ZNF558: variants seen among roughly 807,000 people sequenced by gnomAD.
ZNF558 encodes the protein zinc finger protein 558.
In ZNF558, 23 loss-of-function variants were observed where a neutral mutation model predicts 37.6. That is an observed-to-expected ratio of 0.61 (90% CI 0.44 to 0.87). The LOEUF (loss-of-function observed/expected upper bound fraction) is 0.87, where lower values mean the gene tolerates loss of function less well. Among genes scored for constraint, ZNF558 ranks in the 40% least tolerant of loss-of-function variants. The pLI is 0.00. For missense variants in ZNF558, 429 were observed against 483.7 expected, an observed-to-expected ratio of 0.89 and a Z score of 1.06; for synonymous variants, 189 against 174.4, an observed-to-expected ratio of 1.08 and a Z score of -0.66.
chr19:8,813,271 A>T, intron 7 of ZNF558, 49 bp from the exon 8 acceptor site: 7 of 1,460,580 alleles, frequency 4.8e-6, no homozygotes, highest in Non-Finnish European at 6.6e-6. Context: ...GCTGGGGACA[A>T]CCAAGTCCAT....
upstream of ZNF558, among the ~76,000 whole-genome samples, chr19:8,836,653 A>G (rs1185988126): frequency 6.6e-6 from 1 of 151,998 alleles, no homozygotes; most frequent in Non-Finnish European, 1.5e-5. Flanking sequence ...CACCACGCCC[A>G]GCTAGTTTTT....
chr19:8,822,603 A>G lies in ZNF558; in HGVS notation c.31+26T>C. 1 of 1,614,018 alleles carries G rather than the reference A, an allele frequency of 6.2e-7. No homozygotes were observed. Among genetic ancestry groups the G allele is most frequent in the Non-Finnish European group, 8.5e-7 (1 of 1,179,908 alleles). On this transcript the variant is annotated intron_variant, in intron 5 of 9. Coordinates refer to ENST00000601372, the MANE Select transcript of ZNF558 (RefSeq NM_144693.3). The surrounding 1 kb of genome is among the most constrained non-coding windows in gnomAD (Gnocchi z 4.4). ...CAGAACCTTTCAAGGCTGGACTCTG[A>G]GAAATGTCAGGACCCCACGACTCAC...
At chr19:8,827,543 T>C (rs553310490) in intron 2 of ZNF558, among the ~76,000 whole-genome samples, 3 of 151,188 alleles carry the variant, frequency 2.0e-5, no homozygotes, top group Non-Finnish European at 4.4e-5. Context: ...CTCTTGATCT[T>C]GGTCTTGGTC....
upstream of ZNF558, among the ~76,000 whole-genome samples, chr19:8,836,829 A>C (rs1412651382): frequency 1.3e-5 from 2 of 152,234 alleles, no homozygotes; most frequent in Non-Finnish European, 2.9e-5. Context: ...TCACATTATT[A>C]AATGGCAAAA....
rs564669756 is a variant in ZNF558, at chr19:8,832,212, G to C, written c.-596C>G. The C allele has an allele frequency of 6.6e-6, 1 of 152,192 alleles. No homozygotes were observed. Among genetic ancestry groups the C allele is most frequent in the African/African-American group, 2.4e-5 (1 of 41,466 alleles). 9.4% of individuals were successfully genotyped at this position (152,192 alleles called of 1,614,324 possible). ...CGAGCCCCCGCCAGTCGCTCACCGA[G>C]CCCGGCCCCTCCCGCGGGGCCAAAA... On this transcript the variant is annotated 5_prime_UTR_variant, in exon 1 of 10. Coordinates refer to ENST00000601372, the MANE Select transcript of ZNF558 (RefSeq NM_144693.3).
intron 7 of ZNF558, among the ~76,000 whole-genome samples, chr19:8,819,271 C>A (rs1453206858): frequency 1.3e-5 from 2 of 152,136 alleles, no homozygotes; most frequent in Non-Finnish European, 2.9e-5. Context: ...ACCTCTGCCT[C>A]CCAGGTTCAA....
chr19:8,834,614 A>C (rs1014085768), upstream of ZNF558, among the ~76,000 whole-genome samples: 1 of 151,026 alleles, frequency 6.6e-6, no homozygotes, highest in African/African-American at 2.4e-5. Flanking sequence ...CAAAAAAAAA[A>C]AACAAACCAA....
chr19:8,811,527 T>G lies in ZNF558; in HGVS notation c.963A>C (p.Glu321Asp). 1 of 1,614,168 alleles carries G rather than the reference T, an allele frequency of 6.2e-7. No individual in the cohort carries two copies. The highest frequency in any genetic ancestry group is 2.2e-5 in the East Asian group (1 of 44,886). Residue 321 changes from glutamate to aspartate, a missense_variant, in exon 10 of 10, where the codon GAA (glutamate) becomes GAC (aspartate). Physicochemically the swap from Glu to Asp is conservative, Grantham distance 45. Transcript: ENST00000601372. The stretch of plus-strand genomic sequence containing the variant: ...TGAAGGATTTCCCACACTCGTTACA[T>G]TCATAGGGTTTTTCTCCAGTATGAG... Reference protein sequence around the residue: ...VRTHTGEKPYECNECGKSFSS... With the variant: ...VRTHTGEKPYDCNECGKSFSS...
At chr19:8,835,442 A>G (rs2044445378), upstream of ZNF558, among the ~76,000 whole-genome samples, 1 of 152,208 alleles carries the variant, frequency 6.6e-6, no homozygotes, top group Non-Finnish European at 1.5e-5. Context: ...CGGCCCCATT[A>G]ATCATTAGGG....
chr19:8,826,511 T>A (rs1201276862), intron 2 of ZNF558, among the ~76,000 whole-genome samples: 2 of 151,822 alleles, frequency 1.3e-5, no homozygotes, highest in Non-Finnish European at 2.9e-5. Context: ...ACATGCAAAG[T>A]TCACAATAGG....
At chr19:8,815,480 G>A (rs192856958) in intron 7 of ZNF558, among the ~76,000 whole-genome samples, 258 of 151,984 alleles carry the variant, frequency 1.7e-3, no homozygotes, top group African/African-American at 6.1e-3. Context: ...TATCCAGTCT[G>A]AGGAGCAGAA....
chr19:8,830,207 T>C (rs991937572), intron 2 of ZNF558, among the ~76,000 whole-genome samples: 10 of 151,848 alleles, frequency 6.6e-5, no homozygotes, highest in South Asian at 2.1e-4. Flanking sequence ...CTTTCTGCCA[T>C]GATCGTAAGT....
At position 8,824,432 on chromosome 19, in the gene ZNF558, C is replaced by T. The variant is rs1034664720; in HGVS notation, c.-401-15G>A. 6.6e-6 allele frequency: 1 copy of T among 152,222 alleles called. No individual in the cohort carries two copies. The highest frequency in any genetic ancestry group is 2.4e-5 in the African/African-American group (1 of 41,450). The allele number at this position is 152,222 out of a possible 1,614,324, so 9.4% of individuals were successfully genotyped here. A position where few individuals can be genotyped will look rare whatever the true frequency, so the allele number is the denominator to read the frequency against. On this transcript the variant is annotated splice_polypyrimidine_tract_variant and intron_variant, in intron 3 of 9. Transcript: ENST00000601372. ...CTCCTGAATTCCTGAAACACAAAAA[C>T]AGTGAGAGACGATACATGGTCATTG...
At chr19:8,818,804 C>T (rs919134506) in intron 7 of ZNF558, among the ~76,000 whole-genome samples, 3 of 152,038 alleles carry the variant, frequency 2.0e-5, no homozygotes, top group African/African-American at 4.8e-5. Flanking sequence ...CCCAGGTAGG[C>T]GGATCACTTG....
At position 8,822,241 on chromosome 19, in the gene ZNF558, C is replaced by A. The variant is rs1205401425; in HGVS notation, c.32-150G>T. 6.4e-6 allele frequency: 6 copies of A among 937,568 alleles called. No homozygotes were observed. Among genetic ancestry groups the A allele is most frequent in the Non-Finnish European group, 9.5e-6 (6 of 630,078 alleles). 58.1% of individuals were successfully genotyped at this position (937,568 alleles called of 1,614,324 possible). On this transcript the variant is annotated intron_variant, in intron 5 of 9. Transcript: ENST00000601372. The surrounding 1 kb of genome is among the most constrained non-coding windows in gnomAD (Gnocchi z 4.4). ...TCCATGCAAACACCTACCCACAGCTCTCCTAAGATACCCAAACACAGCCCT... is the reference window on the plus strand; with the variant it reads ...TCCATGCAAACACCTACCCACAGCTATCCTAAGATACCCAAACACAGCCCT...
chr19:8,833,404 G>A (rs1398224469), upstream of ZNF558: 3 of 152,122 alleles, frequency 2.0e-5, no homozygotes, highest in South Asian at 2.1e-4. Context: ...CTCCCACCAC[G>A]GTCTTTCAGT....
intron 7 of ZNF558, among the ~76,000 whole-genome samples, chr19:8,820,644 T>A (rs142457518): frequency 1.3e-5 from 2 of 151,996 alleles, no homozygotes; most frequent in African/African-American, 4.8e-5. Flanking sequence ...CACGTCCGGC[T>A]AATTTGTATT....
chr19:8,820,680 G>A (rs1451534864), intron 7 of ZNF558, among the ~76,000 whole-genome samples: 1 of 152,112 alleles, frequency 6.6e-6, no homozygotes, highest in Non-Finnish European at 1.5e-5. Context: ...GTTTCACCAT[G>A]TTGGTCAGGC....
At chr19:8,831,715 G>C (rs948708367) in intron 1 of ZNF558, among the ~76,000 whole-genome samples, 3 of 152,310 alleles carry the variant, frequency 2.0e-5, no homozygotes, top group Admixed American at 1.3e-4. Flanking sequence ...GCCCTATTAA[G>C]TGACTAAACT....
Sources: allele counts gnomAD v4.1 joint callset (sites outside exome capture counted in the v4.1 genomes callset), GRCh38; gene constraint gnomAD v4.1.1; non-coding constraint Gnocchi (gnomAD v3.1); transcripts MANE v1.5; gene names NCBI Gene and HGNC (gene_info 2026-07-23, HGNC 2026-07-21).